Variants in XKR6 observed in about 807,000 individuals in gnomAD.
XKR6 encodes the protein XK-related protein 6.
Under a neutral mutation model 56.7 loss-of-function variants are expected in XKR6, and 22 were observed. That is an observed-to-expected ratio of 0.39 (90% CI 0.28 to 0.55). XKR6 has a LOEUF of 0.55. Among genes scored for constraint, XKR6 ranks in the 20% least tolerant of loss-of-function variants. The pLI is 0.66. For synonymous variants in XKR6, 524 were observed against 387.8 expected, an observed-to-expected ratio of 1.35 and a Z score of -4.13; for missense variants, 852 against 889.0, an observed-to-expected ratio of 0.96 and a Z score of 0.53.
chr8:11,023,115 C>T (rs1187604719), intron 1 of XKR6, among the ~76,000 whole-genome samples: 2 of 152,178 alleles, frequency 1.3e-5, no homozygotes, highest in African/African-American at 4.8e-5. Flanking sequence ...GACAGGAACT[C>T]GTCTCAATCA....
At chr8:11,190,204 A>AAAAGAAAGAAAG (rs34031400) in intron 1 of XKR6, among the ~76,000 whole-genome samples, 3,068 of 120,902 alleles carry the variant, frequency 0.025, 144 homozygotes, top group African/African-American at 0.11. Flanking sequence ...AGAAAGAAAG[A>AAAAGAAAGAAAG]AAAGAAAGAA....
At chr8:10,957,757 C>G (rs1234974850) in intron 1 of XKR6, among the ~76,000 whole-genome samples, 2 of 152,142 alleles carry the variant, frequency 1.3e-5, no homozygotes, top group African/African-American at 4.8e-5. Flanking sequence ...CCAGGATAGG[C>G]CTCTCCATCC....
At chr8:11,012,498 T>TCATCAC (rs1164741508) in intron 1 of XKR6, among the ~76,000 whole-genome samples, 2 of 152,172 alleles carry the variant, frequency 1.3e-5, no homozygotes, top group Non-Finnish European at 2.9e-5. Context: ...GCTGCTATTA[T>TCATCAC]CATCACCATC....
chr8:10,943,483 G>A (rs1801446449), intron 1 of XKR6, among the ~76,000 whole-genome samples: 1 of 152,028 alleles, frequency 6.6e-6, no homozygotes, highest in African/African-American at 2.4e-5. Context: ...CCTTCCTAAG[G>A]GTGCCCCTCT....
chr8:10,914,839 G>A (rs1012382356), intron 2 of XKR6, among the ~76,000 whole-genome samples: 2 of 152,228 alleles, frequency 1.3e-5, no homozygotes, highest in East Asian at 1.9e-4. Flanking sequence ...CCAGTACAGA[G>A]GTCCCCCTCC....
At chr8:11,171,174 T>A (rs1017541302) in intron 1 of XKR6, among the ~76,000 whole-genome samples, 1 of 152,248 alleles carries the variant, frequency 6.6e-6, no homozygotes, top group Admixed American at 6.5e-5. Context: ...TCTGCTGAAG[T>A]GTGGTCCACC....
intron 1 of XKR6, among the ~76,000 whole-genome samples, chr8:11,093,059 T>C (rs901042176): frequency 2.6e-5 from 4 of 152,194 alleles, no homozygotes; most frequent in African/African-American, 9.7e-5. Flanking sequence ...TCTTTTTCTT[T>C]TCTTTCTTTC....
At chr8:11,168,846 C>G (rs754044031) in intron 1 of XKR6, among the ~76,000 whole-genome samples, 1 of 152,222 alleles carries the variant, frequency 6.6e-6, no homozygotes, top group Non-Finnish European at 1.5e-5. Flanking sequence ...CCAGAAATGC[C>G]TTTGTTCTTT....
intron 1 of XKR6, among the ~76,000 whole-genome samples, chr8:11,005,793 C>G (rs935785554): frequency 2.0e-5 from 3 of 150,050 alleles, no homozygotes; most frequent in African/African-American, 4.9e-5. Flanking sequence ...CTACAGTTTT[C>G]AAGGTTTGTA....
chr8:10,992,787 C>T (rs117820377), intron 1 of XKR6, among the ~76,000 whole-genome samples: 2 of 152,136 alleles, frequency 1.3e-5, no homozygotes, highest in Admixed American at 6.5e-5. Context: ...CTGCAACTGA[C>T]GCAGGAGATG....
At chr8:10,956,327 G>A (rs553881506) in intron 1 of XKR6, among the ~76,000 whole-genome samples, 75 of 274 alleles carry the variant, frequency 0.27, no homozygotes, top group African/African-American at 0.42. Context: ...AAGGCGCCCC[G>A]GGATGTGGTG....
intron 1 of XKR6, among the ~76,000 whole-genome samples, chr8:11,067,567 T>C (rs533608461): frequency 1.2e-4 from 18 of 152,362 alleles, no homozygotes; most frequent in Middle Eastern, 3.4e-3. Context: ...CAAGCGATAA[T>C]AGACATTTCT....
At chr8:11,184,088 T>C (rs1000935402) in intron 1 of XKR6, among the ~76,000 whole-genome samples, 6 of 152,104 alleles carry the variant, frequency 3.9e-5, no homozygotes, top group Non-Finnish European at 8.8e-5. Flanking sequence ...GACAAAAAAA[T>C]TATCTCATAC....
At chr8:11,046,807 T>C (rs1799421655) in intron 1 of XKR6, among the ~76,000 whole-genome samples, 2 of 152,360 alleles carry the variant, frequency 1.3e-5, no homozygotes, top group South Asian at 4.1e-4. Flanking sequence ...TAGAGTCTTA[T>C]TCATCCTTAA....
At chr8:11,062,294 C>T (rs766556197) in intron 1 of XKR6, among the ~76,000 whole-genome samples, 3 of 152,080 alleles carry the variant, frequency 2.0e-5, no homozygotes, top group Non-Finnish European at 4.4e-5. Context: ...GGAGGAGCTG[C>T]AGGCTTCTCA....
intron 1 of XKR6, among the ~76,000 whole-genome samples, chr8:11,078,523 C>T (rs984194985): frequency 3.3e-5 from 5 of 152,150 alleles, no homozygotes; most frequent in Admixed American, 6.5e-5. Flanking sequence ...CTTGAGGTCA[C>T]TGGTGAATCC....
At position 11,021,469 on chromosome 8, in the gene XKR6, T is replaced by C. The variant is rs190841371; in HGVS notation, c.765-96639A>G. Among the ~76,000 whole-genome samples, 26 of 152,300 alleles carry C rather than the reference T, an allele frequency of 1.7e-4. 1 individual carries two copies. The East Asian group carries it at 3.9e-3, about 23-fold the overall frequency. Reference sequence around the variant, plus strand: ...TTGTTTAAGCAATGGTTTACATTCATAACACAAATATAAATGGATAGTCAT... The same window carrying C: ...TTGTTTAAGCAATGGTTTACATTCACAACACAAATATAAATGGATAGTCAT... On this transcript the variant is annotated intron_variant, in intron 1 of 2. Transcript: ENST00000416569.
intron 1 of XKR6, among the ~76,000 whole-genome samples, chr8:11,117,762 G>GA (rs1348976683): frequency 1.3e-5 from 2 of 151,822 alleles, no homozygotes; most frequent in African/African-American, 2.4e-5. Context: ...CATAAACTGA[G>GA]AAAAAATTCT....
chr8:10,972,280 C>T (rs1802430948), intron 1 of XKR6, among the ~76,000 whole-genome samples: 1 of 152,216 alleles, frequency 6.6e-6, no homozygotes, highest in Non-Finnish European at 1.5e-5. Flanking sequence ...GGTTTGATGT[C>T]AGACCAGTGT....
Sources: allele counts gnomAD v4.1 joint callset (sites outside exome capture counted in the v4.1 genomes callset), GRCh38; gene constraint gnomAD v4.1.1; transcripts MANE v1.5; gene names NCBI Gene and HGNC (gene_info 2026-07-23, HGNC 2026-07-21).